RBFOX3: variants seen among roughly 807,000 people sequenced by gnomAD.
RBFOX3 encodes the protein RNA binding fox-1 homolog 3, also known as RNA binding protein fox-1 homolog 3.
A neutral mutation model predicts 48.7 loss-of-function variants in RBFOX3; 17 were observed. That is an observed-to-expected ratio of 0.35 (90% CI 0.24 to 0.52). RBFOX3 has a LOEUF of 0.52. RBFOX3 is among the 20% of genes least tolerant of loss of function. RBFOX3 has a pLI of 0.94. For missense variants in RBFOX3, 382 were observed against 497.5 expected, an observed-to-expected ratio of 0.77 and a Z score of 2.21; for synonymous variants, 212 against 209.5, an observed-to-expected ratio of 1.01 and a Z score of -0.10.
At chr17:79,108,032 C>G (rs1223747343) in intron 5 of RBFOX3, among the ~76,000 whole-genome samples, 3 of 152,250 alleles carry the variant, frequency 2.0e-5, no homozygotes, top group Admixed American at 2.0e-4. Context: ...CGCCTCAATT[C>G]CATGCTGCCC....
intron 1 of RBFOX3, among the ~76,000 whole-genome samples, chr17:79,541,175 GA>G (rs112200066): frequency 1.2e-3 from 169 of 143,232 alleles, no homozygotes; most frequent in African/African-American, 2.6e-3. Flanking sequence ...TCCAGCACTG[GA>G]AAAAAAAAAA....
intron 4 of RBFOX3, chr17:79,234,121 A>G (rs1473204232): frequency 6.6e-6 from 1 of 152,268 alleles, no homozygotes; most frequent in Non-Finnish European, 1.5e-5. Flanking sequence ...ACCCTGACAC[A>G]CACAGGCAGC....
intron 2 of RBFOX3, among the ~76,000 whole-genome samples, chr17:79,476,981 C>A (rs2077876265): frequency 6.6e-6 from 1 of 151,974 alleles, no homozygotes; most frequent in Non-Finnish European, 1.5e-5. Flanking sequence ...CCCTGTAACC[C>A]CAGCACTTTG....
the RBFOX3 span, among the ~76,000 whole-genome samples, chr17:79,647,060 C>CGT: frequency 0.42 from 63,122 of 149,374 alleles, 14,200 homozygotes; most frequent in African/African-American, 0.59. Context: ...TTTTCACTGC[C>CGT]GTGTGTGTGT....
At chr17:79,131,499 C>T (rs2038901083) in intron 4 of RBFOX3, among the ~76,000 whole-genome samples, 1 of 152,218 alleles carries the variant, frequency 6.6e-6, no homozygotes, top group Admixed American at 6.5e-5. Context: ...GAGCCTCAGG[C>T]CTTCCTGTTA....
chr17:79,442,692 C>T (rs2071393399), intron 2 of RBFOX3, among the ~76,000 whole-genome samples: 1 of 151,986 alleles, frequency 6.6e-6, no homozygotes, highest in African/African-American at 2.4e-5. Context: ...CCCTGCACTG[C>T]TTCCCTGGGG....
At chr17:79,146,393 C>T (rs1490590003) in intron 4 of RBFOX3, among the ~76,000 whole-genome samples, 1 of 152,252 alleles carries the variant, frequency 6.6e-6, no homozygotes, top group Non-Finnish European at 1.5e-5. Flanking sequence ...CGTTTCACCA[C>T]TGCATTAGAC....
At position 79,406,642 on chromosome 17, in the gene RBFOX3, C is replaced by T. The variant is rs752855556; in HGVS notation, c.-175+75812G>A. Among the ~76,000 whole-genome samples, 7 of 152,182 alleles carry T rather than the reference C, an allele frequency of 4.6e-5. No homozygotes were observed. The South Asian group carries it at 6.2e-4, about 14-fold the overall frequency. Reference sequence around the variant, plus strand: ...TTTCACGCCTGTAAATGTGACGCGGCGCTGAGTGTCATTATCTCCCCATGT... The same window carrying T: ...TTTCACGCCTGTAAATGTGACGCGGTGCTGAGTGTCATTATCTCCCCATGT... On this transcript the variant is annotated intron_variant, in intron 2 of 14. Coordinates refer to ENST00000693108, the MANE Select transcript of RBFOX3 (RefSeq NM_001350451.2).
At chr17:79,095,733 G>T (rs912246172) in intron 12 of RBFOX3, among the ~76,000 whole-genome samples, 159 bp from the exon 13 acceptor site, 1 of 152,216 alleles carries the variant, frequency 6.6e-6, no homozygotes, top group African/African-American at 2.4e-5. Context: ...GGATTAGGTG[G>T]TACCTGGCCT....
chr17:79,368,511 G>C (rs544514259), intron 2 of RBFOX3, among the ~76,000 whole-genome samples: 3 of 152,224 alleles, frequency 2.0e-5, no homozygotes, highest in Non-Finnish European at 4.4e-5. Context: ...GGGTTCCACC[G>C]GTTCCCCGCA....
At chr17:79,216,329 G>A (rs1223358981) in intron 4 of RBFOX3, among the ~76,000 whole-genome samples, 5 of 152,238 alleles carry the variant, frequency 3.3e-5, no homozygotes, top group Admixed American at 3.3e-4. Flanking sequence ...GTGAGGAAGT[G>A]TACCCACCTG....
At chr17:79,203,700 A>C (rs1240515490) in intron 4 of RBFOX3, among the ~76,000 whole-genome samples, 1 of 152,016 alleles carries the variant, frequency 6.6e-6, no homozygotes, top group Non-Finnish European at 1.5e-5. Flanking sequence ...AAAGGAAAAC[A>C]ACTGTCTCAA....
rs374686777 is a variant in RBFOX3 at position 79,482,272 on chromosome 17, G to A, written c.-175+182C>T. On this transcript the variant is annotated intron_variant, in intron 2 of 14. Transcript: ENST00000693108. This position sits in a 1 kb window ranked among gnomAD's most constrained non-coding sequence, Gnocchi z 4.1. ...AATTCTACCCCATACCTTCTTGGGCGTCCGTCGATGTTCCCCCTCCTACTC... is the reference window on the plus strand; with the variant it reads ...AATTCTACCCCATACCTTCTTGGGCATCCGTCGATGTTCCCCCTCCTACTC... Among the ~76,000 whole-genome samples, 543 of 152,172 alleles carry A rather than the reference G, an allele frequency of 3.6e-3. 10 individuals are homozygous for A. In the South Asian group the frequency reaches 0.049, roughly 14 times the overall value.
chr17:79,411,864 A>G (rs1419696774), intron 2 of RBFOX3, among the ~76,000 whole-genome samples: 2 of 152,228 alleles, frequency 1.3e-5, no homozygotes, highest in African/African-American at 2.4e-5. Context: ...AATGGAAAAT[A>G]TGGAACAATG....
chr17:79,379,680 G>A (rs1008072943), intron 2 of RBFOX3, among the ~76,000 whole-genome samples: 3 of 152,154 alleles, frequency 2.0e-5, no homozygotes, highest in African/African-American at 7.2e-5. Context: ...CTTGTGGTGA[G>A]GGCCACACAG....
Position 79,246,016 on chromosome 17 carries a change from GAA to G in RBFOX3, c.-73-10213_-73-10212del, listed in dbSNP as rs74270518. Among the ~76,000 whole-genome samples the G allele has an allele frequency of 7.5e-5, 11 of 146,686 alleles. No individual in the cohort carries two copies. The East Asian group carries it at 7.9e-4, about 11-fold the overall frequency. On this transcript the variant is annotated intron_variant, in intron 3 of 14. Coordinates refer to ENST00000693108, the MANE Select transcript of RBFOX3 (RefSeq NM_001350451.2). Reference sequence around the variant, plus strand: ...TTTTGCTTCAGCCACGAGCATGTCAGAAAAAAAAAAAATTGTTGCTCAACCTT... The same window carrying G: ...TTTTGCTTCAGCCACGAGCATGTCAGAAAAAAAAAATTGTTGCTCAACCTT...
chr17:79,269,698 G>A (rs568753494), intron 3 of RBFOX3, among the ~76,000 whole-genome samples: 6 of 152,018 alleles, frequency 3.9e-5, no homozygotes, highest in African/African-American at 1.2e-4. Flanking sequence ...TTCTCCTGGC[G>A]GGGCCTGGGT....
In RBFOX3 at chr17:79,391,861, TA is replaced by T. The variant is rs34292350; in HGVS notation, c.-174-84038del. On this transcript the variant is annotated intron_variant, in intron 2 of 14. Transcript: ENST00000693108. The surrounding 1 kb of genome is among the most constrained non-coding windows in gnomAD (Gnocchi z 5.0). ...TCTGATCCTCGGTTTCCGAATCTGT[TA>T]AAAAAAAAAGGCTCCAGGCTGGACA... Among the ~76,000 whole-genome samples, 36 of 147,994 alleles carry T rather than the reference TA, an allele frequency of 2.4e-4. No individual in the cohort carries two copies. The highest frequency in any genetic ancestry group is 3.5e-3 in the Middle Eastern group (1 of 284).
intron 2 of RBFOX3, among the ~76,000 whole-genome samples, chr17:79,453,442 G>A (rs1475016249): frequency 6.6e-6 from 1 of 152,212 alleles, no homozygotes; most frequent in Non-Finnish European, 1.5e-5. Context: ...GGTCACAGAG[G>A]GACAGGCCTC....
Sources: allele counts gnomAD v4.1 joint callset (sites outside exome capture counted in the v4.1 genomes callset), GRCh38; gene constraint gnomAD v4.1.1; non-coding constraint Gnocchi (gnomAD v3.1); transcripts MANE v1.5; gene names NCBI Gene and HGNC (gene_info 2026-07-23, HGNC 2026-07-21).